RGS6: variants seen among roughly 807,000 people sequenced by gnomAD.
RGS6 encodes the protein regulator of G-protein signaling 6.
Under a neutral mutation model 78.5 loss-of-function variants are expected in RGS6, and 30 were observed. That is an observed-to-expected ratio of 0.38 (90% CI 0.29 to 0.52). The LOEUF is 0.52. RGS6 is among the 20% of genes least tolerant of loss of function. RGS6 has a pLI of 0.85. For missense variants in RGS6, 495 were observed against 609.7 expected (o/e 0.81, Z 1.98); for synonymous variants, 206 against 206.0 (o/e 1.00, Z 0.00).
At chr14:71,919,863 A>C in the RGS6 span, among the ~76,000 whole-genome samples, 25 of 152,120 alleles carry the variant, frequency 1.6e-4, no homozygotes, top group African/African-American at 6.0e-4. Flanking sequence ...GAATGGTTGC[A>C]TGTGCCTGTA....
chr14:72,076,977 A>G (rs1232893450), intron 2 of RGS6, among the ~76,000 whole-genome samples: 1 of 148,616 alleles, frequency 6.7e-6, no homozygotes, highest in Non-Finnish European at 1.5e-5. Flanking sequence ...TATAAATGTT[A>G]TATATATATA....
chr14:72,088,819 C>G (rs768985373), intron 2 of RGS6, among the ~76,000 whole-genome samples: 2 of 152,174 alleles, frequency 1.3e-5, no homozygotes, highest in South Asian at 2.1e-4. Context: ...TCACTATATT[C>G]TAGTCACCCT....
At chr14:72,383,035 G>T (rs1244914127) in intron 3 of RGS6, among the ~76,000 whole-genome samples, 3 of 150,832 alleles carry the variant, frequency 2.0e-5, no homozygotes, top group Non-Finnish European at 4.4e-5. Context: ...TTTTTACTGG[G>T]TGGTGGGTAC....
intron 2 of RGS6, among the ~76,000 whole-genome samples, chr14:72,348,853 A>C (rs543686189): frequency 5.9e-5 from 9 of 152,294 alleles, no homozygotes; most frequent in African/African-American, 1.9e-4. Flanking sequence ...AAACCACTTC[A>C]AACTTAGTGA....
At chr14:72,579,809 C>T in the RGS6 span, among the ~76,000 whole-genome samples, 9 of 152,284 alleles carry the variant, frequency 5.9e-5, no homozygotes, top group South Asian at 6.2e-4. Flanking sequence ...ATAAGGTGCC[C>T]ACCTGGAGGC....
chr14:72,579,812 C>T, the RGS6 span, among the ~76,000 whole-genome samples: 1 of 152,180 alleles, frequency 6.6e-6, no homozygotes, highest in East Asian at 1.9e-4. Flanking sequence ...AGGTGCCCAC[C>T]TGGAGGCCAC....
chr14:72,242,098 G>A (rs114678764), intron 2 of RGS6, among the ~76,000 whole-genome samples: 3,220 of 152,276 alleles, frequency 0.021, 59 homozygotes, highest in African/African-American at 0.048. Context: ...TTAACTGACA[G>A]TAGCCATATT....
At chr14:71,951,219 T>C (rs1163706506) in intron 1 of RGS6, among the ~76,000 whole-genome samples, 1 of 152,108 alleles carries the variant, frequency 6.6e-6, no homozygotes, top group African/African-American at 2.4e-5. Context: ...TAGACTACTA[T>C]GTGGCCATAA....
In RGS6 at chr14:72,037,694, T is replaced by C. The variant is rs923553608; in HGVS notation, c.84+72819T>C. ...GCAAATTTATCAAAAACTCAGTTGGTAAAACTGTAGTTGCCCATGGGTATA... is the reference window on the plus strand; with the variant it reads ...GCAAATTTATCAAAAACTCAGTTGGCAAAACTGTAGTTGCCCATGGGTATA... On this transcript the variant is annotated intron_variant, in intron 2 of 17. Transcript: ENST00000553525. Among the ~76,000 whole-genome samples, 22 of 152,322 alleles carry C rather than the reference T, an allele frequency of 1.4e-4. No homozygotes were observed. The East Asian group carries it at 4.1e-3, about 28-fold the overall frequency.
At chr14:72,026,756 T>C (rs1184379482) in intron 2 of RGS6, among the ~76,000 whole-genome samples, 1 of 152,214 alleles carries the variant, frequency 6.6e-6, no homozygotes, top group Non-Finnish European at 1.5e-5. Context: ...TGATGAGCAA[T>C]GTATTCAGCC....
At chr14:72,383,244 G>T (rs2086806446) in intron 3 of RGS6, among the ~76,000 whole-genome samples, 1 of 145,002 alleles carries the variant, frequency 6.9e-6, no homozygotes, top group Non-Finnish European at 1.5e-5. Context: ...GTGTGTGGAT[G>T]GGAGAGGGAG....
intron 10 of RGS6, among the ~76,000 whole-genome samples, chr14:72,475,830 G>GCACACACACACACACACGCACACACACA (rs1555424337): frequency 6.9e-6 from 1 of 145,606 alleles, no homozygotes; most frequent in Non-Finnish European, 1.5e-5. Flanking sequence ...AAAAATACAC[G>GCACACACACACACACACGCACACACACA]CACACACACA....
At chr14:72,139,099 C>T (rs1049172284) in intron 2 of RGS6, among the ~76,000 whole-genome samples, 1 of 152,130 alleles carries the variant, frequency 6.6e-6, no homozygotes, top group Non-Finnish European at 1.5e-5. Flanking sequence ...CTTGACCAAT[C>T]GAATGCCTTC....
intron 17 of RGS6, chr14:72,550,552 A>T: frequency 6.5e-7 from 1 of 1,535,626 alleles, no homozygotes; most frequent in South Asian, 1.2e-5. Context: ...ACAACACTTA[A>T]CCCAACCTTG....
intron 2 of RGS6, among the ~76,000 whole-genome samples, chr14:72,014,312 A>G (rs917965876): frequency 3.3e-5 from 5 of 152,234 alleles, no homozygotes; most frequent in Non-Finnish European, 7.4e-5. Flanking sequence ...TCTTCAAAGT[A>G]GTGACCTTGG....
chr14:72,490,719 T>C (rs1457212376), intron 12 of RGS6, among the ~76,000 whole-genome samples: 1 of 152,046 alleles, frequency 6.6e-6, no homozygotes, highest in Non-Finnish European at 1.5e-5. Flanking sequence ...ACCCCAGGGG[T>C]CATGATAAAC....
chr14:72,401,836 C>T (rs1385857936), intron 3 of RGS6, among the ~76,000 whole-genome samples: 1 of 152,152 alleles, frequency 6.6e-6, no homozygotes, highest in Non-Finnish European at 1.5e-5. Flanking sequence ...CAGCCGCCAC[C>T]ACAGCAAAAA....
intron 2 of RGS6, among the ~76,000 whole-genome samples, chr14:71,969,923 A>G (rs2153070175): frequency 6.6e-6 from 1 of 152,296 alleles, no homozygotes; most frequent in Middle Eastern, 3.4e-3. Flanking sequence ...TGCACGTTTA[A>G]AGGTCTTTTG....
At chr14:72,192,863 C>T (rs781555725) in intron 2 of RGS6, among the ~76,000 whole-genome samples, 7 of 152,192 alleles carry the variant, frequency 4.6e-5, no homozygotes, top group Non-Finnish European at 8.8e-5. Flanking sequence ...GGCATTGTCT[C>T]CTCATAGACC....
Sources: gnomAD v4.1 joint callset for allele counts (sites outside exome capture counted in the v4.1 genomes callset) on GRCh38, gnomAD v4.1.1 for gene constraint, MANE v1.5 for transcripts, NCBI Gene and HGNC (gene_info 2026-07-23, HGNC 2026-07-21) for gene names.